The following BHMT variants were observed in gnomAD, a reference collection of about 807,000 sequenced individuals.
BHMT encodes the protein betaine--homocysteine S-methyltransferase.
Under a neutral mutation model 49.5 loss-of-function variants are expected in BHMT, and 38 were observed. The observed-to-expected ratio is 0.77, with a 90% CI of 0.59 to 1.01. The LOEUF (loss-of-function observed/expected upper bound fraction) is 1.01, where lower values mean the gene tolerates loss of function less well. Ranked by LOEUF, BHMT falls within the 50% of genes least tolerant of loss-of-function variation. The probability of loss-of-function intolerance (pLI) is 0.00; values close to 1 mark genes in which losing one functional copy is unlikely to be tolerated. For synonymous variants in BHMT, 166 were observed against 176.3 expected (o/e 0.94, Z 0.46); for missense variants, 426 against 495.7 (o/e 0.86, Z 1.34).
chr5:79,111,880 A>T lies in BHMT; in HGVS notation c.-6A>T, dbSNP rs1463384660. ...CGTGTCGACCACCTGTCTGGACACCACGAAGATGCCACCCGTTGGGGGCAA... is the reference window on the plus strand; with the variant it reads ...CGTGTCGACCACCTGTCTGGACACCTCGAAGATGCCACCCGTTGGGGGCAA... On this transcript the variant is annotated 5_prime_UTR_variant, in exon 1 of 8. Transcript: ENST00000274353. 1 of 1,612,360 alleles carries T rather than the reference A, an allele frequency of 6.2e-7. No individual in the cohort carries two copies. Among genetic ancestry groups the T allele is most frequent in the Non-Finnish European group, 8.5e-7 (1 of 1,179,228 alleles).
chr5:79,121,671 C>T (rs1402100092), intron 5 of BHMT, among the ~76,000 whole-genome samples: 1 of 151,462 alleles, frequency 6.6e-6, no homozygotes, highest in Non-Finnish European at 1.5e-5. Context: ...AAAAATTAGC[C>T]GGGACTGGTG....
At chr5:79,118,363 A>C (rs983582623) in intron 2 of BHMT, among the ~76,000 whole-genome samples, 1 of 152,180 alleles carries the variant, frequency 6.6e-6, no homozygotes, top group South Asian at 2.1e-4. Flanking sequence ...GCTACTTGGA[A>C]GGCTGAGGCA....
rs545092839 is a variant in BHMT at position 79,118,352 on chromosome 5, A to G, written c.167-907A>G. ...CGTGGTGGCAGGTGCCTGTAGTCCC[A>G]GCTACTTGGAAGGCTGAGGCAGGAG... is the stretch of plus-strand genomic sequence containing the variant. On this transcript the variant is annotated intron_variant, in intron 2 of 7. Coordinates refer to ENST00000274353, the MANE Select transcript of BHMT (RefSeq NM_001713.3). Among the ~76,000 whole-genome samples the G allele has an allele frequency of 2.0e-4, 30 of 152,292 alleles. No individual in the cohort carries two copies. The East Asian group carries it at 5.6e-3, about 28-fold the overall frequency.
rs1756549321 is a variant in BHMT at position 79,126,152 on chromosome 5, G to T, written c.732G>T (p.Leu244=). 1 of 1,613,716 alleles carries T rather than the reference G, an allele frequency of 6.2e-7. No homozygotes were observed. The highest frequency in any genetic ancestry group is 1.1e-5 in the South Asian group (1 of 91,060). ...AGGCTGCCCGACTGAAAGCTCACCT[G>T]ATGAGCCAGCCCTTGGCTTACCACA... is the stretch of plus-strand genomic sequence containing the variant. The part of the protein sequence containing the change: ...GLEAARLKAH[L]MSQPLAYHTP... The change falls in exon 6 of 8, where the codon CTG becomes CTT. Residue 244 remains leucine (L), a synonymous_variant. Transcript: ENST00000274353.
At chr5:79,112,034 C>T (rs942862224) in intron 1 of BHMT, 116 bp downstream of exon 1, 2 of 1,163,436 alleles carry the variant, frequency 1.7e-6, no homozygotes, top group Non-Finnish European at 2.4e-6. Context: ...CATCCTCCTA[C>T]TCCCTCCCCT....
chr5:79,121,456 C>T (rs1186371587), intron 5 of BHMT, 91 bp downstream of exon 5: 23 of 1,418,856 alleles, frequency 1.6e-5, no homozygotes, highest in South Asian at 1.3e-4. Flanking sequence ...ATACTACTTT[C>T]GTTAACATAA....
Position 79,126,065 on chromosome 5 carries a change from G to C in BHMT, c.645G>C (p.Val215=). The C allele has an allele frequency of 6.2e-7, 1 of 1,605,972 alleles. No homozygotes were observed. The highest frequency in any genetic ancestry group is 8.5e-7 in the Non-Finnish European group (1 of 1,173,154). The change falls in exon 6 of 8, where the codon GTG becomes GTC. Residue 215 remains valine (V), a synonymous_variant. Transcript: ENST00000274353. ...TCACAGGAGCATCCATCATTGGTGT[G>C]AACTGCCACTTTGACCCCACCATTA... is the stretch of plus-strand genomic sequence containing the variant. ...LVKAGASIIG[V]NCHFDPTISL... is the part of the protein sequence containing the mutation.
At chr5:79,127,136 G>A (rs1412746168) in intron 6 of BHMT, among the ~76,000 whole-genome samples, 1 of 152,150 alleles carries the variant, frequency 6.6e-6, no homozygotes, top group Admixed American at 6.5e-5. Context: ...GCATAACTAG[G>A]TGGTTTTGGT....
At position 79,126,181 on chromosome 5, in the gene BHMT, C is replaced by A; in HGVS notation, c.761C>A (p.Pro254His). The A allele has an allele frequency of 2.5e-6, 4 of 1,613,884 alleles. No homozygotes were observed. In the South Asian group the frequency reaches 4.4e-5, roughly 18 times the overall value. The change falls in exon 6 of 8, where the codon CCT (proline) becomes CAT (histidine). Residue 254 changes from proline to histidine, a missense_variant. Around this residue, in one of 3 missense-constraint regions of BHMT, gnomAD observed 321 missense variants for 355.9 expected, o/e 0.90. Coordinates refer to ENST00000274353, the MANE Select transcript of BHMT (RefSeq NM_001713.3). ...LMSQPLAYHT[P>H]DCNKQGFIDL... ...AGCCAGCCCTTGGCTTACCACACTC[C>A]TGACTGCAACAAGCAGGGATTCATC...
At chr5:79,126,440 C>A (rs1254198549) in intron 6 of BHMT, 2 of 519,370 alleles carry the variant, frequency 3.9e-6, no homozygotes, top group Non-Finnish European at 6.7e-6. Context: ...CAAAAAAGAT[C>A]TCTGAATTTA....
intron 6 of BHMT, among the ~76,000 whole-genome samples, chr5:79,127,013 C>A (rs1028782839): frequency 2.6e-5 from 4 of 152,142 alleles, no homozygotes; most frequent in African/African-American, 9.7e-5. Context: ...GGAAGAAAGG[C>A]AAGGCATTTG....
chr5:79,120,141 T>C, intron 3 of BHMT: 1 of 468,740 alleles, frequency 2.1e-6, no homozygotes, highest in Non-Finnish European at 3.7e-6. Flanking sequence ...TGTAATGTCA[T>C]ATATATATTT....
chr5:79,117,231 C>A (rs1756399265), intron 2 of BHMT, among the ~76,000 whole-genome samples: 1 of 152,200 alleles, frequency 6.6e-6, no homozygotes, highest in Admixed American at 6.5e-5. Flanking sequence ...ACAATTTGCA[C>A]ACATTTCCAG....
chr5:79,115,588 G>A (rs180908354), intron 1 of BHMT, among the ~76,000 whole-genome samples, 179 bp from the exon 2 acceptor site: 34 of 152,124 alleles, frequency 2.2e-4, no homozygotes, highest in African/African-American at 7.9e-4. Context: ...TTTATTTTAT[G>A]AGCATTCTGG....
chr5:79,119,254 C>T lies in BHMT; in HGVS notation c.167-5C>T, dbSNP rs764950849. On this transcript the variant is annotated splice_region_variant and splice_polypyrimidine_tract_variant and intron_variant, in intron 2 of 7. Coordinates refer to ENST00000274353, the MANE Select transcript of BHMT (RefSeq NM_001713.3). ...AATTATACCTTTCCTCATTCACTCT[C>T]CCAGTTCGCCAGCTTCATCGAGAGT... 4.4e-6 allele frequency: 7 copies of T among 1,597,100 alleles called. No homozygotes were observed. The African/African-American group carries it at 8.1e-5, about 19-fold the overall frequency.
chr5:79,117,415 C>A (rs1297544776), intron 2 of BHMT, among the ~76,000 whole-genome samples: 1 of 152,038 alleles, frequency 6.6e-6, no homozygotes, highest in Admixed American at 6.5e-5. Context: ...CTATATTTTT[C>A]ATTGGTTCTG....
intron 5 of BHMT, 101 bp from the exon 6 acceptor site, chr5:79,125,942 CAAA>C: frequency 8.0e-7 from 1 of 1,255,756 alleles, no homozygotes; most frequent in Non-Finnish European, 1.1e-6. Context: ...GATTGTGTCT[CAAA>C]AAATGAAAAA....
chr5:79,120,190 A>G, intron 3 of BHMT, 160 bp from the exon 4 acceptor site: 1 of 617,536 alleles, frequency 1.6e-6, no homozygotes, highest in South Asian at 3.0e-5. Flanking sequence ...TTGTTATGGC[A>G]AACTGTTCAA....
At chr5:79,125,149 A>G (rs1756530442) in intron 5 of BHMT, among the ~76,000 whole-genome samples, 1 of 152,134 alleles carries the variant, frequency 6.6e-6, no homozygotes, top group Non-Finnish European at 1.5e-5. Context: ...AAATTCTAAT[A>G]ATTTTTTTTT....
Sources: gnomAD v4.1 joint callset for allele counts (sites outside exome capture counted in the v4.1 genomes callset) on GRCh38, gnomAD v4.1.1 for gene constraint, gnomAD v4.1.1 regional missense constraint, MANE v1.5 for transcripts, NCBI Gene and HGNC (gene_info 2026-07-23, HGNC 2026-07-21) for gene names.